Variants in ADIPOR2 observed in about 807,000 individuals in gnomAD.
ADIPOR2 encodes the protein adiponectin receptor protein 2.
Under a neutral mutation model 40.9 loss-of-function variants are expected in ADIPOR2, and 18 were observed. The observed-to-expected ratio is 0.44, with a 90% CI of 0.30 to 0.65. The LOEUF (loss-of-function observed/expected upper bound fraction) is 0.65. Among genes scored for constraint, ADIPOR2 ranks in the 30% least tolerant of loss-of-function variants. ADIPOR2 has a pLI of 0.09. For missense variants in ADIPOR2, 283 were observed against 479.2 expected (o/e 0.59, Z 3.82); for synonymous variants, 165 against 166.4 (o/e 0.99, Z 0.06).
chr12:1,757,997 G>C (rs1000986112), intron 2 of ADIPOR2: 5 of 963,644 alleles, frequency 5.2e-6, no homozygotes, highest in Non-Finnish European at 8.4e-6. Context: ...GATGCTTCTT[G>C]GGACCACGCG....
At position 1,772,884 on chromosome 12, in the gene ADIPOR2, G is replaced by A; in HGVS notation, c.214G>A (p.Asp72Asn). 2 of 1,613,568 alleles carry A rather than the reference G, an allele frequency of 1.2e-6. No homozygotes were observed. The highest frequency in any genetic ancestry group is 2.2e-5 in the East Asian group (1 of 44,882). Reference protein sequence around the residue: ...HEYSDEAPQEDEGFMGMSPLL... With the variant: ...HEYSDEAPQENEGFMGMSPLL... ...ATACAGTGATGAAGCTCCTCAGGAA[G>A]ATGAGGGCTTTATGGGCATGTCCCC... is the stretch of plus-strand genomic sequence containing the variant. Residue 72 changes from aspartate (D) to asparagine (N), a missense_variant, in exon 3 of 8, where the codon GAT becomes AAT. Physicochemically the swap from Asp to Asn is conservative, Grantham distance 23. This residue lies in a region of ADIPOR2 where 112 missense variants were observed against 249.5 expected (regional missense o/e 0.45). Coordinates refer to ENST00000357103, the MANE Select transcript of ADIPOR2 (RefSeq NM_024551.3).
In ADIPOR2 at chr12:1,777,658, C is replaced by T. The variant is rs140130764; in HGVS notation, c.292-196C>T. Among the ~76,000 whole-genome samples the T allele has an allele frequency of 1.6e-3, 240 of 152,002 alleles. 2 individuals carry two copies. Among genetic ancestry groups the T allele is most frequent in the Non-Finnish European group, 2.5e-3 (171 of 67,962 alleles). On this transcript the variant is annotated intron_variant, in intron 3 of 7. Transcript: ENST00000357103. ...GGATTAAAGCCTTAGCCACCATGCC[C>T]GGCAAAAATATATTTTTCATCAGTC...
At chr12:1,763,662 TG>T (rs1862314972) in intron 2 of ADIPOR2, among the ~76,000 whole-genome samples, 1 of 152,226 alleles carries the variant, frequency 6.6e-6, no homozygotes, top group Non-Finnish European at 1.5e-5. Flanking sequence ...CACTTGAACA[TG>T]TTTATTCTCT....
intron 1 of ADIPOR2, among the ~76,000 whole-genome samples, chr12:1,744,108 T>C (rs2094749560): frequency 1.3e-5 from 2 of 151,874 alleles, no homozygotes; most frequent in South Asian, 2.1e-4. Context: ...CTTTTTTTTT[T>C]CTGTATTTTT....
intron 7 of ADIPOR2, among the ~76,000 whole-genome samples, chr12:1,785,217 G>C (rs988481367): frequency 1.3e-5 from 2 of 152,146 alleles, no homozygotes; most frequent in Non-Finnish European, 2.9e-5. Context: ...TGTAATTTTT[G>C]AAGTGCAGCG....
chr12:1,699,443 C>A (rs1172268581), intron 1 of ADIPOR2, among the ~76,000 whole-genome samples: 1 of 151,980 alleles, frequency 6.6e-6, no homozygotes, highest in African/African-American at 2.4e-5. Flanking sequence ...CATGGCGAAA[C>A]CCCCGTCTCT....
At chr12:1,782,982 T>TCTTTC (rs1565660246) in intron 6 of ADIPOR2, among the ~76,000 whole-genome samples, 1 of 40,178 alleles carries the variant, frequency 2.5e-5, no homozygotes, top group African/African-American at 8.9e-5. Flanking sequence ...CTTTCTTTTT[T>TCTTTC]TTTTTTTTTT....
chr12:1,691,471 C>G (rs916198551), intron 1 of ADIPOR2, among the ~76,000 whole-genome samples: 1 of 152,146 alleles, frequency 6.6e-6, no homozygotes, highest in South Asian at 2.1e-4. Context: ...CCCCTCGCCT[C>G]GCCTTTCGCG....
chr12:1,726,262 A>G (rs1040836968), intron 1 of ADIPOR2, among the ~76,000 whole-genome samples: 2 of 152,014 alleles, frequency 1.3e-5, no homozygotes, highest in African/African-American at 4.8e-5. Context: ...CAATGGCACC[A>G]TCTTGGCTCA....
rs183459943 is a variant in ADIPOR2, at chr12:1,699,010, C to T, written c.-87+7819C>T. Among the ~76,000 whole-genome samples the T allele has an allele frequency of 2.9e-3, 435 of 152,288 alleles. 1 individual carries two copies. The highest frequency in any genetic ancestry group is 4.9e-3 in the Non-Finnish European group (330 of 68,022). On this transcript the variant is annotated intron_variant, in intron 1 of 7. Transcript: ENST00000357103. ...TCAGGTGGAGCATGCATTCTGTTCCCGGGCCTCCCTTAGGTGGAGCTGCTT... is the reference window on the plus strand; with the variant it reads ...TCAGGTGGAGCATGCATTCTGTTCCTGGGCCTCCCTTAGGTGGAGCTGCTT...
chr12:1,693,248 G>A (rs1347314576), intron 1 of ADIPOR2, among the ~76,000 whole-genome samples: 2 of 151,946 alleles, frequency 1.3e-5, no homozygotes, highest in Non-Finnish European at 2.9e-5. Context: ...TACAGCAGCA[G>A]AGTTGAGTAG....
chr12:1,781,342 C>G (rs1862715902), intron 6 of ADIPOR2, among the ~76,000 whole-genome samples: 2 of 152,218 alleles, frequency 1.3e-5, no homozygotes, highest in Admixed American at 6.5e-5. Flanking sequence ...CTGTTACTTA[C>G]TTGAATTTAT....
At chr12:1,730,568 G>A (rs1448450441) in intron 1 of ADIPOR2, among the ~76,000 whole-genome samples, 7 of 142,790 alleles carry the variant, frequency 4.9e-5, no homozygotes, top group Non-Finnish European at 9.0e-5. Context: ...AGTGAGCCGA[G>A]ATAGTGCTAC....
At chr12:1,704,055 A>ATTTTT (rs57190793) in intron 1 of ADIPOR2, among the ~76,000 whole-genome samples, 97 of 67,542 alleles carry the variant, frequency 1.4e-3, no homozygotes, top group Non-Finnish European at 2.2e-3. Context: ...TCTACCTGGA[A>ATTTTT]TTTTTTTTTT....
At chr12:1,727,950 A>C (rs1211748608) in intron 1 of ADIPOR2, among the ~76,000 whole-genome samples, 2 of 151,686 alleles carry the variant, frequency 1.3e-5, no homozygotes, top group Non-Finnish European at 2.9e-5. Flanking sequence ...TTCTTTCCTC[A>C]TTGTCACTTC....
chr12:1,715,958 G>A (rs771577914), intron 1 of ADIPOR2, among the ~76,000 whole-genome samples: 26 of 152,072 alleles, frequency 1.7e-4, no homozygotes, highest in Non-Finnish European at 3.1e-4. Context: ...AGCCAGCAGC[G>A]GCAACCTGGT....
intron 4 of ADIPOR2, chr12:1,780,116 T>G (rs4140993): frequency 0.051 from 9,312 of 183,788 alleles, 661 homozygotes; most frequent in African/African-American, 0.16. Flanking sequence ...TGCCAAAAAC[T>G]GTATAAATGA....
intron 1 of ADIPOR2, among the ~76,000 whole-genome samples, chr12:1,723,663 A>G (rs1313955456): frequency 1.4e-5 from 2 of 148,032 alleles, no homozygotes; most frequent in African/African-American, 2.5e-5. Context: ...AACAAAACAA[A>G]ACAACAACAA....
At chr12:1,711,292 C>G (rs2094676301) in intron 1 of ADIPOR2, among the ~76,000 whole-genome samples, 1 of 152,112 alleles carries the variant, frequency 6.6e-6, no homozygotes, top group Non-Finnish European at 1.5e-5. Context: ...GTAGATAAAT[C>G]TGCTATTCCA....
Sources: allele counts gnomAD v4.1 joint callset (sites outside exome capture counted in the v4.1 genomes callset), GRCh38; gene constraint gnomAD v4.1.1; regional missense constraint gnomAD v4.1.1; transcripts MANE v1.5; gene names NCBI Gene and HGNC (gene_info 2026-07-23, HGNC 2026-07-21).